Variants in SLC9A1 observed in about 807,000 individuals in gnomAD.
SLC9A1 encodes solute carrier family 9 member A1.
In SLC9A1, 22 loss-of-function variants were observed where a neutral mutation model predicts 67.9. The ratio of observed to expected loss-of-function variants is 0.32; its 90% CI spans 0.23 to 0.46. SLC9A1 has a LOEUF of 0.46. SLC9A1 is among the 20% of genes least tolerant of loss of function. The pLI is 1.00. For synonymous variants in SLC9A1, 421 were observed against 471.8 expected, an observed-to-expected ratio of 0.89 and a Z score of 1.40; for missense variants, 686 against 1,094.8, an observed-to-expected ratio of 0.63 and a Z score of 5.27.
chr1:27,120,315 G>A (rs1057078042), intron 1 of SLC9A1, among the ~76,000 whole-genome samples: 39 of 151,722 alleles, frequency 2.6e-4, no homozygotes, highest in Non-Finnish European at 5.2e-4. Flanking sequence ...TAATAGAGGA[G>A]GGGTTTCGCC....
chr1:27,110,240 C>T (rs1342000456), intron 2 of SLC9A1, among the ~76,000 whole-genome samples: 2 of 152,240 alleles, frequency 1.3e-5, no homozygotes, highest in Non-Finnish European at 1.5e-5. Context: ...AAGTCTGCCT[C>T]TCACTGCCTG....
chr1:27,135,524 G>GAAAAAAAA (rs1464533443), intron 1 of SLC9A1, among the ~76,000 whole-genome samples: 56 of 70,360 alleles, frequency 8.0e-4, no homozygotes, highest in African/African-American at 3.8e-3. Flanking sequence ...CCTTTTTTCT[G>GAAAAAAAA]GAAAAAAAAA....
At chr1:27,104,271 AG>A (rs1239438921) in intron 5 of SLC9A1, among the ~76,000 whole-genome samples, 8 of 152,050 alleles carry the variant, frequency 5.3e-5, no homozygotes, top group Non-Finnish European at 1.2e-4. Context: ...TAGTAGAAAC[AG>A]GGTTTCACCA....
In SLC9A1 at chr1:27,100,583, C is replaced by T. The variant is rs2083135199; in HGVS notation, c.2172G>A (p.Pro724=). Residue 724 remains proline (P), a synonymous_variant, in exon 12 of 12, where the codon CCG becomes CCA. Coordinates refer to ENST00000263980, the MANE Select transcript of SLC9A1 (RefSeq NM_003047.5). This position sits in a 1 kb window ranked among gnomAD's most constrained non-coding sequence, Gnocchi z 5.6. Reference sequence around the variant, plus strand: ...CCAGGTCCACAGACTCGGGTGACTGCGGGGAAGCCGGGTCGATGGTGATGA... The same window carrying T: ...CCAGGTCCACAGACTCGGGTGACTGTGGGGAAGCCGGGTCGATGGTGATGA... ...LPVITIDPAS[P]QSPESVDLVN... is the part of the protein sequence containing the mutation. 1.2e-6 allele frequency: 2 copies of T among 1,613,744 alleles called. No homozygotes were observed. The highest frequency in any genetic ancestry group is 1.3e-5 in the African/African-American group (1 of 75,054).
chr1:27,102,038 T>C lies in SLC9A1; in HGVS notation c.1913A>G (p.Asn638Ser). The change falls in exon 9 of 12, where the codon AAC becomes AGC. Residue 638 changes from asparagine (N) to serine (S), a missense_variant. Transcript: ENST00000263980. Reference protein sequence around the residue: ...EEEIRKILRNNLQKTRQRLRS... With the variant: ...EEEIRKILRNSLQKTRQRLRS... ...CACCCGCTGCCTGGTCTTCTGCAAG[T>C]TGTTCCTCAGGATTTTGCGGATCTC... 1.2e-6 allele frequency: 2 copies of C among 1,613,742 alleles called. No homozygotes were observed. Among genetic ancestry groups the C allele is most frequent in the Non-Finnish European group, 8.5e-7 (1 of 1,179,718 alleles).
chr1:27,128,733 G>T (rs962130067), intron 1 of SLC9A1, among the ~76,000 whole-genome samples: 3 of 151,842 alleles, frequency 2.0e-5, no homozygotes, highest in African/African-American at 7.3e-5. Flanking sequence ...CAAGGCGGGC[G>T]GATCACCTGA....
chr1:27,100,377 C>G lies in SLC9A1; in HGVS notation c.2378G>C (p.Arg793Pro), dbSNP rs534231113. 4 of 1,585,716 alleles carry G rather than the reference C, an allele frequency of 2.5e-6. No individual in the cohort carries two copies. The highest frequency in any genetic ancestry group is 2.2e-5 in the East Asian group (1 of 44,776). Residue 793 changes from arginine to proline, a missense_variant, in exon 12 of 12, where the codon CGC (arginine) becomes CCC (proline). Coordinates refer to ENST00000263980, the MANE Select transcript of SLC9A1 (RefSeq NM_003047.5). The surrounding 1 kb of genome is among the most constrained non-coding windows in gnomAD (Gnocchi z 5.6). ...SDSPSSQRIQ[R>P]CLSDPGPHPE... ...GTGTGGGCCTGGGTCACTGAGGCAG[C>G]GCTGTATCCTCTGGGAGCTGGGGCT...
intron 1 of SLC9A1, among the ~76,000 whole-genome samples, chr1:27,126,597 G>A (rs558617304): frequency 2.6e-5 from 4 of 152,084 alleles, no homozygotes; most frequent in Admixed American, 6.5e-5. Flanking sequence ...CTGATGACAC[G>A]GCACAGCTGG....
intron 6 of SLC9A1, 157 bp from the exon 7 acceptor site, chr1:27,102,900 C>T (rs1414498774): frequency 5.9e-6 from 4 of 680,444 alleles, no homozygotes; most frequent in African/African-American, 3.6e-5. Flanking sequence ...CTCCACTCAT[C>T]GAACCCAGCG....
chr1:27,108,345 C>T (rs1303231040), intron 3 of SLC9A1, among the ~76,000 whole-genome samples: 7 of 8,480 alleles, frequency 8.3e-4, no homozygotes, highest in Admixed American at 8.1e-4. Flanking sequence ...GGATTACAGG[C>T]GACGAGCGCA....
intron 1 of SLC9A1, among the ~76,000 whole-genome samples, chr1:27,116,487 C>T (rs548092268): frequency 1.3e-5 from 2 of 152,348 alleles, no homozygotes; most frequent in South Asian, 4.1e-4. Context: ...AAAAAGATGT[C>T]TCCATCCTAG....
chr1:27,148,727 AC>A (rs757838604), intron 1 of SLC9A1, among the ~76,000 whole-genome samples: 1 of 152,182 alleles, frequency 6.6e-6, no homozygotes, highest in Non-Finnish European at 1.5e-5. Flanking sequence ...AATGAGAAGT[AC>A]TATTAAACTC....
intron 1 of SLC9A1, among the ~76,000 whole-genome samples, chr1:27,145,073 G>GAAAAAAAA (rs952148589): frequency 1.0e-5 from 1 of 96,978 alleles, no homozygotes. Flanking sequence ...AAGGAAAAAG[G>GAAAAAAAA]AAAAAAAAAA....
chr1:27,102,425 T>C lies in SLC9A1; in HGVS notation c.1780A>G (p.Met594Val), dbSNP rs1403806468. 6.2e-7 allele frequency: 1 copy of C among 1,605,458 alleles called. No individual in the cohort carries two copies. The highest frequency in any genetic ancestry group is 8.5e-7 in the Non-Finnish European group (1 of 1,173,584). ...QAIELVESGG[M>V]GKIPSAVSTV... ...GAGACGGCAGAGGGGATCTTGCCCATGCCCCCGCTCTCCACCAGCTCGATG... is the reference window on the plus strand; with the variant it reads ...GAGACGGCAGAGGGGATCTTGCCCACGCCCCCGCTCTCCACCAGCTCGATG... Residue 594 changes from methionine (M) to valine (V), a missense_variant, in exon 8 of 12, where the codon ATG (methionine) becomes GTG (valine). Transcript: ENST00000263980.
At position 27,135,334 on chromosome 1, in the gene SLC9A1, T is replaced by TGA. The variant is rs760320959; in HGVS notation, c.352+18647_352+18648dup. On this transcript the variant is annotated intron_variant, in intron 1 of 11. Coordinates refer to ENST00000263980, the MANE Select transcript of SLC9A1 (RefSeq NM_003047.5). ...TCCCAAAGTGCTGGGATTACAGGGG[T>TGA]GAGCCACTGTGCACAGATTAACATT... Among the ~76,000 whole-genome samples the TGA allele has an allele frequency of 4.6e-5, 7 of 152,052 alleles. No homozygotes were observed. The East Asian group carries it at 7.7e-4, about 17-fold the overall frequency.
At chr1:27,102,771 C>G in intron 6 of SLC9A1, 28 bp from the exon 7 acceptor site, 1 of 1,606,244 alleles carries the variant, frequency 6.2e-7, no homozygotes, top group Non-Finnish European at 8.5e-7. Flanking sequence ...CCAAGTCAAG[C>G]CTCGCTGTGG....
chr1:27,107,982 G>A (rs2083201465), intron 3 of SLC9A1, 117 bp from the exon 4 acceptor site: 2 of 707,784 alleles, frequency 2.8e-6, no homozygotes, highest in African/African-American at 1.8e-5. Flanking sequence ...GCTCCTCTAT[G>A]GGCCAGGGGC....
Position 27,100,238 on chromosome 1 carries a change from AG to A in SLC9A1, c.*68del, listed in dbSNP as rs2083130522. 9 of 1,198,264 alleles carry A rather than the reference AG, an allele frequency of 7.5e-6. No individual in the cohort carries two copies. Among genetic ancestry groups the A allele is most frequent in the Non-Finnish European group, 1.0e-5 (9 of 875,152 alleles). 74.2% of individuals were successfully genotyped at this position (1,198,264 alleles called of 1,614,324 possible). A position where few individuals can be genotyped will look rare whatever the true frequency, so the allele number is the denominator to read the frequency against. On this transcript the variant is annotated 3_prime_UTR_variant, in exon 12 of 12. Coordinates refer to ENST00000263980, the MANE Select transcript of SLC9A1 (RefSeq NM_003047.5). This position sits in a 1 kb window ranked among gnomAD's most constrained non-coding sequence, Gnocchi z 5.6. Reference sequence around the variant, plus strand: ...AATCCGGGTCAGGAAGGGCAAGGGGAGCCCCCAGCAGCCCCTGCTCTGGTGG... The same window carrying A: ...AATCCGGGTCAGGAAGGGCAAGGGGACCCCCAGCAGCCCCTGCTCTGGTGG...
At position 27,107,838 on chromosome 1, in the gene SLC9A1, G is replaced by A. The variant is rs2083199598; in HGVS notation, c.1092C>T (p.Arg364=). The A allele has an allele frequency of 6.2e-7, 1 of 1,606,634 alleles. No individual in the cohort carries two copies. Among genetic ancestry groups the A allele is most frequent in the Non-Finnish European group, 8.5e-7 (1 of 1,177,278 alleles). Reference sequence around the variant, plus strand: ...GGGAGATGTTGGCCTCCACATAGGGGCGCATCACCACTCCTGAGGCTATGA... The same window carrying A: ...GGGAGATGTTGGCCTCCACATAGGGACGCATCACCACTCCTGAGGCTATGA... ...MALIASGVVM[R]PYVEANISHK... is the part of the protein sequence containing the mutation. Residue 364 remains arginine (R), a synonymous_variant, in exon 4 of 12, where the codon CGC becomes CGT. Coordinates refer to ENST00000263980, the MANE Select transcript of SLC9A1 (RefSeq NM_003047.5).
Sources: allele counts gnomAD v4.1 joint callset (sites outside exome capture counted in the v4.1 genomes callset), GRCh38; gene constraint gnomAD v4.1.1; non-coding constraint Gnocchi (gnomAD v3.1); transcripts MANE v1.5; gene names NCBI Gene and HGNC (gene_info 2026-07-23, HGNC 2026-07-21).